The following PBX3 variants were observed in gnomAD, a reference collection of about 807,000 sequenced individuals.
The protein encoded by PBX3 is PBX homeobox 3.
PBX3 carries 14 observed loss-of-function variants against 48.5 expected under a neutral mutation model. The ratio of observed to expected loss-of-function variants is 0.29; its 90% CI spans 0.19 to 0.45. PBX3 has a LOEUF of 0.45. PBX3 is among the 20% of genes least tolerant of loss of function. The probability of loss-of-function intolerance (pLI) is 1.00; values close to 1 mark genes in which losing one functional copy is unlikely to be tolerated. For missense variants in PBX3, 386 were observed against 546.7 expected, an observed-to-expected ratio of 0.71 and a Z score of 2.93; for synonymous variants, 210 against 200.3, an observed-to-expected ratio of 1.05 and a Z score of -0.41.
intron 2 of PBX3, among the ~76,000 whole-genome samples, chr9:125,781,007 C>G: frequency 1.3e-5 from 1 of 79,342 alleles, no homozygotes; most frequent in African/African-American, 6.0e-5. Flanking sequence ...GGGATGGCGG[C>G]CGGGCAGAGA....
At chr9:125,886,045 G>A (rs1402536888) in intron 2 of PBX3, among the ~76,000 whole-genome samples, 1 of 151,920 alleles carries the variant, frequency 6.6e-6, no homozygotes, top group Non-Finnish European at 1.5e-5. Flanking sequence ...GGTATCCCTG[G>A]GGCCCTGAGT....
intron 3 of PBX3, 76 bp downstream of exon 3, chr9:125,916,003 A>C: frequency 6.5e-7 from 1 of 1,548,414 alleles, no homozygotes; most frequent in South Asian, 1.2e-5. Context: ...ACCAATTCTG[A>C]GGGCTGTGAG....
At chr9:125,813,902 T>C (rs369419175) in intron 2 of PBX3, among the ~76,000 whole-genome samples, 1 of 149,578 alleles carries the variant, frequency 6.7e-6, no homozygotes, top group Non-Finnish European at 1.5e-5. Context: ...CGGTGGCTCA[T>C]ACCTGTAATC....
chr9:125,785,943 CTTTT>C (rs201029654), intron 2 of PBX3, among the ~76,000 whole-genome samples: 1 of 138,338 alleles, frequency 7.2e-6, no homozygotes, highest in East Asian at 2.1e-4. Flanking sequence ...TTTAAAGTCG[CTTTT>C]TTTTTTTTTA....
chr9:125,900,459 G>C (rs2132420845), intron 2 of PBX3, among the ~76,000 whole-genome samples: 1 of 151,652 alleles, frequency 6.6e-6, no homozygotes. Flanking sequence ...TAGAAGCACT[G>C]CTGTATTGTT....
chr9:125,841,453 G>T (rs1383383516), intron 2 of PBX3, among the ~76,000 whole-genome samples: 1 of 152,104 alleles, frequency 6.6e-6, no homozygotes, highest in East Asian at 1.9e-4. Flanking sequence ...CTTGTGATGT[G>T]GTAGGCACCA....
intron 2 of PBX3, among the ~76,000 whole-genome samples, chr9:125,886,078 G>A (rs902094316): frequency 6.6e-5 from 10 of 152,066 alleles, no homozygotes; most frequent in African/African-American, 1.9e-4. Context: ...GCTCATGTAA[G>A]TTGTACTGGA....
chr9:125,906,436 A>G (rs10987017), intron 2 of PBX3, among the ~76,000 whole-genome samples: 81,259 of 151,870 alleles, frequency 0.54, 23,930 homozygotes, highest in South Asian at 0.65. Flanking sequence ...TCTGCTATTC[A>G]TAATGAAGTC....
At chr9:125,836,402 A>C (rs1839137113) in intron 2 of PBX3, among the ~76,000 whole-genome samples, 1 of 152,046 alleles carries the variant, frequency 6.6e-6, no homozygotes, top group Non-Finnish European at 1.5e-5. Flanking sequence ...CCGAGATTGC[A>C]TCACTGCACT....
At chr9:125,776,223 T>G (rs1414772963) in intron 2 of PBX3, among the ~76,000 whole-genome samples, 8 of 152,212 alleles carry the variant, frequency 5.3e-5, no homozygotes, top group Middle Eastern at 3.2e-3. Context: ...TTGTTACCTG[T>G]GGGTTTTCCA....
At chr9:125,948,416 A>G (rs1396317965) in intron 5 of PBX3, among the ~76,000 whole-genome samples, 1 of 152,238 alleles carries the variant, frequency 6.6e-6, no homozygotes, top group African/African-American at 2.4e-5. Flanking sequence ...CAGTGGAATC[A>G]AACTAGAAAT....
intron 2 of PBX3, among the ~76,000 whole-genome samples, chr9:125,800,984 G>A (rs575055661): frequency 2.6e-5 from 4 of 151,982 alleles, no homozygotes; most frequent in Non-Finnish European, 5.9e-5. Context: ...AACTCCTGAC[G>A]TCAGGTGATC....
intron 2 of PBX3, among the ~76,000 whole-genome samples, chr9:125,795,707 C>T (rs914037611): frequency 1.3e-5 from 2 of 152,028 alleles, no homozygotes; most frequent in African/African-American, 2.4e-5. Context: ...GACCATGGGC[C>T]ATTAACACCA....
At position 125,835,031 on chromosome 9, in the gene PBX3, A is replaced by C. The variant is rs1304066243; in HGVS notation, c.275-80655A>C. Among the ~76,000 whole-genome samples the C allele has an allele frequency of 1.0e-4, 15 of 146,480 alleles. 1 individual carries two copies. In the South Asian group the frequency reaches 3.0e-3, roughly 29 times the overall value. On this transcript the variant is annotated intron_variant, in intron 2 of 8. Transcript: ENST00000373489. ...ACTCTGTCTCAAAAAAAAAAAAAAA[A>C]AAAAAAAAAAAAAAAAAAAAGGGCA...
intron 2 of PBX3, among the ~76,000 whole-genome samples, chr9:125,778,724 C>T (rs922256761): frequency 6.7e-6 from 1 of 149,470 alleles, no homozygotes; most frequent in East Asian, 1.9e-4. Flanking sequence ...TGCTCTTTGC[C>T]CGGTACTGGG....
intron 2 of PBX3, among the ~76,000 whole-genome samples, chr9:125,853,026 A>G (rs999712302): frequency 6.6e-6 from 1 of 151,874 alleles, no homozygotes; most frequent in Admixed American, 6.6e-5. Context: ...CTCAGTGTCT[A>G]AAAACATTCT....
intron 2 of PBX3, among the ~76,000 whole-genome samples, chr9:125,755,946 T>C (rs1008894216): frequency 6.6e-5 from 10 of 152,060 alleles, no homozygotes; most frequent in Non-Finnish European, 1.2e-4. Flanking sequence ...TTCATTAACA[T>C]GGCTAATGAA....
intron 2 of PBX3, among the ~76,000 whole-genome samples, chr9:125,890,588 C>A (rs1840617404): frequency 6.6e-6 from 1 of 152,170 alleles, no homozygotes; most frequent in African/African-American, 2.4e-5. Flanking sequence ...CATCCCACCC[C>A]CAGTGACTTG....
chr9:125,872,721 C>T (rs952884652), intron 2 of PBX3, among the ~76,000 whole-genome samples: 3 of 151,684 alleles, frequency 2.0e-5, no homozygotes, highest in Non-Finnish European at 2.9e-5. Flanking sequence ...GATCATGCCA[C>T]TGCACTCCAG....
Sources: gnomAD v4.1 joint callset for allele counts (sites outside exome capture counted in the v4.1 genomes callset) on GRCh38, gnomAD v4.1.1 for gene constraint, MANE v1.5 for transcripts, NCBI Gene and HGNC (gene_info 2026-07-23, HGNC 2026-07-21) for gene names.